The following VPS45 variants were observed in gnomAD, a reference collection of about 807,000 sequenced individuals.
VPS45 encodes the protein vacuolar protein sorting 45 homolog.
VPS45 carries 35 observed loss-of-function variants against 75.9 expected under a neutral mutation model. The ratio of observed to expected loss-of-function variants is 0.46; its 90% CI spans 0.35 to 0.61. VPS45 has a LOEUF of 0.61. VPS45 is among the 20% of genes least tolerant of loss of function. The pLI, the probability that VPS45 is intolerant of heterozygous loss-of-function variation, is 0.00. For synonymous variants in VPS45, 220 were observed against 238.2 expected (o/e 0.92, Z 0.70); for missense variants, 559 against 685.9 (o/e 0.81, Z 2.07).
chr1:150,121,452 G>T (rs1376644266), intron 14 of VPS45, among the ~76,000 whole-genome samples: 1 of 152,160 alleles, frequency 6.6e-6, no homozygotes, highest in East Asian at 1.9e-4. Context: ...ATGCAGGTTT[G>T]CAGTGTACAG....
At chr1:150,107,702 C>A (rs1319825584) in intron 13 of VPS45, among the ~76,000 whole-genome samples, 1 of 152,048 alleles carries the variant, frequency 6.6e-6, no homozygotes, top group Middle Eastern at 3.2e-3. Flanking sequence ...GTTCAAGACC[C>A]CCTGCCTGGC....
intron 13 of VPS45, among the ~76,000 whole-genome samples, chr1:150,101,199 T>C (rs879963889): frequency 6.8e-6 from 1 of 146,294 alleles, no homozygotes; most frequent in African/African-American, 2.6e-5. Context: ...CCTGGGGAGA[T>C]GGAGGTTGCT....
At chr1:150,140,194 G>T (rs978216351) in intron 14 of VPS45, among the ~76,000 whole-genome samples, 1 of 152,150 alleles carries the variant, frequency 6.6e-6, no homozygotes, top group Non-Finnish European at 1.5e-5. Context: ...GTGAGCCACC[G>T]CACCCAGCCC....
rs782675159 is a variant in VPS45, at chr1:150,082,514, C to CA, written c.937-187dup. Among the ~76,000 whole-genome samples the CA allele has an allele frequency of 4.0e-3, 557 of 139,456 alleles. 20 individuals are homozygous for CA. The highest frequency in any genetic ancestry group is 0.011 in the Middle Eastern group (3 of 272). The allele number at this position is 139,456 out of a possible 152,430, so 91.5% of individuals were successfully genotyped here. ...GGGCAACAAGAGCAAAACTCTGTCT[C>CA]AAAAAAAAAAAAAAACTCAGTCTAC... On this transcript the variant is annotated intron_variant, in intron 9 of 14. Transcript: ENST00000644510.
At position 150,079,645 on chromosome 1, in the gene VPS45, C is replaced by T. The variant is rs587771216; in HGVS notation, c.688-1697C>T. ...CAGGCTGGTCTCGAATTCCTGACCT[C>T]AAGTGATCTGCCCGACTCGGCCTCC... On this transcript the variant is annotated intron_variant, in intron 7 of 14. Transcript: ENST00000644510. 3.3e-5 allele frequency among the ~76,000 whole-genome samples: 5 copies of T among 152,242 alleles called. No homozygotes were observed. In the East Asian group the frequency reaches 9.7e-4, roughly 29 times the overall value.
At chr1:150,094,588 A>G (rs1013482516) in intron 13 of VPS45, among the ~76,000 whole-genome samples, 9 of 152,228 alleles carry the variant, frequency 5.9e-5, no homozygotes, top group Non-Finnish European at 1.3e-4. Flanking sequence ...GAGATGCAGA[A>G]CATTTGGTGT....
intron 14 of VPS45, among the ~76,000 whole-genome samples, chr1:150,118,565 C>G (rs1658067924): frequency 6.6e-6 from 1 of 151,916 alleles, no homozygotes; most frequent in African/African-American, 2.4e-5. Context: ...ACCACCACAC[C>G]TGGCTAATTT....
At chr1:150,082,514 C>CAG (rs1553799632) in intron 9 of VPS45, among the ~76,000 whole-genome samples, 5 of 139,496 alleles carry the variant, frequency 3.6e-5, no homozygotes, top group African/African-American at 1.3e-4. Context: ...AACTCTGTCT[C>CAG]AAAAAAAAAA....
rs192865151 is a variant in VPS45, at chr1:150,105,410, A to G, written c.1494-5086A>G. 1.2e-3 allele frequency among the ~76,000 whole-genome samples: 180 copies of G among 152,338 alleles called. 2 individuals are homozygous for G. The highest frequency in any genetic ancestry group is 3.7e-4 in the Non-Finnish European group (25 of 68,026). On this transcript the variant is annotated intron_variant, in intron 13 of 14. Transcript: ENST00000644510. ...AGAAGATTCCTAGACTTGATAAGTG[A>G]TTTCATTAAAGTCTCAGGATACAAA...
intron 14 of VPS45, among the ~76,000 whole-genome samples, chr1:150,114,467 C>CA (rs1281790882): frequency 0.023 from 2,773 of 122,666 alleles, 82 homozygotes; most frequent in African/African-American, 0.079. Context: ...AACACCATCT[C>CA]AAAAAAAAAA....
chr1:150,106,493 A>C (rs782194065), intron 13 of VPS45, among the ~76,000 whole-genome samples: 2 of 152,338 alleles, frequency 1.3e-5, no homozygotes, highest in African/African-American at 4.8e-5. Context: ...TGATCATCAG[A>C]GAAATGCAAA....
rs1191051819 is a variant in VPS45, at chr1:150,110,570, G to A, written c.1568G>A (p.Arg523His). ...GCTCTAACAGTTTATAACCTGAACC[G>A]CACCACTCCTGGAGTGAGGATTGTC... is the stretch of plus-strand genomic sequence containing the variant. Reference protein sequence around the residue: ...EEALTVYNLNRTTPGVRIVLG... With the variant: ...EEALTVYNLNHTTPGVRIVLG... Residue 523 changes from arginine to histidine, a missense_variant, in exon 14 of 15, where the codon CGC becomes CAC. By Grantham distance (29) the Arg-to-His change is conservative. Coordinates refer to ENST00000644510, the MANE Select transcript of VPS45 (RefSeq NM_007259.5). 1.2e-6 allele frequency: 2 copies of A among 1,613,740 alleles called. No individual in the cohort carries two copies. The highest frequency in any genetic ancestry group is 1.7e-6 in the Non-Finnish European group (2 of 1,179,800).
chr1:150,097,477 T>G (rs1553803247), intron 13 of VPS45, among the ~76,000 whole-genome samples: 1 of 150,512 alleles, frequency 6.6e-6, no homozygotes, highest in Non-Finnish European at 1.5e-5. Flanking sequence ...CCCAGCACTT[T>G]GGGAGGCCGA....
At chr1:150,099,524 C>T (rs1218006036) in intron 13 of VPS45, among the ~76,000 whole-genome samples, 2 of 150,706 alleles carry the variant, frequency 1.3e-5, no homozygotes, top group Non-Finnish European at 3.0e-5. Flanking sequence ...AAAAAAACAC[C>T]TCTCAACAAA....
At chr1:150,136,094 C>T (rs1659077661) in intron 14 of VPS45, among the ~76,000 whole-genome samples, 1 of 148,192 alleles carries the variant, frequency 6.7e-6, no homozygotes, top group Non-Finnish European at 1.5e-5. Flanking sequence ...ACTAAAAATA[C>T]AAAAATTAGC....
Position 150,082,761 on chromosome 1 carries a change from G to A in VPS45, c.982G>A (p.Val328Ile), listed in dbSNP as rs781924923. 2 of 1,614,128 alleles carry A rather than the reference G, an allele frequency of 1.2e-6. No individual in the cohort carries two copies. Among genetic ancestry groups the A allele is most frequent in the South Asian group, 2.2e-5 (2 of 91,076 alleles). The change falls in exon 10 of 15, where the codon GTT (valine) becomes ATT (isoleucine). Residue 328 changes from valine to isoleucine, a missense_variant. Coordinates refer to ENST00000644510, the MANE Select transcript of VPS45 (RefSeq NM_007259.5). ...ACAGTTCAAGAAAATGTCTGGGACT[G>A]TTTCAAAGCATGTGACAGTGGTTGG... ...YPQFKKMSGT[V>I]SKHVTVVGEL...
chr1:150,089,409 A>G (rs2101558641), intron 10 of VPS45, among the ~76,000 whole-genome samples: 1 of 152,096 alleles, frequency 6.6e-6, no homozygotes, highest in African/African-American at 2.4e-5. Flanking sequence ...CCCAGGCTGG[A>G]GTACTGTGGC....
chr1:150,118,004 T>A (rs1658031241), intron 14 of VPS45, among the ~76,000 whole-genome samples: 1 of 152,114 alleles, frequency 6.6e-6, no homozygotes, highest in Non-Finnish European at 1.5e-5. Context: ...CTGGGCACGG[T>A]GGCTCACGCC....
At chr1:150,097,338 C>T (rs1656720602) in intron 13 of VPS45, among the ~76,000 whole-genome samples, 1 of 151,682 alleles carries the variant, frequency 6.6e-6, no homozygotes, top group Non-Finnish European at 1.5e-5. Context: ...CCCGCCTCAC[C>T]TCGTGATCCG....
Sources: allele counts gnomAD v4.1 joint callset (sites outside exome capture counted in the v4.1 genomes callset), GRCh38; gene constraint gnomAD v4.1.1; transcripts MANE v1.5; gene names NCBI Gene and HGNC (gene_info 2026-07-23, HGNC 2026-07-21).